The following LMLN variants were observed in gnomAD, a reference collection of about 807,000 sequenced individuals.
The protein encoded by LMLN is leishmanolysin like peptidase.
A neutral mutation model predicts 92.3 loss-of-function variants in LMLN; 70 were observed. The observed-to-expected ratio is 0.76, with a 90% CI of 0.63 to 0.92. The LOEUF (loss-of-function observed/expected upper bound fraction) is 0.92. Ranked by LOEUF, LMLN falls within the 40% of genes least tolerant of loss-of-function variation. The probability of loss-of-function intolerance (pLI) is 0.00; values close to 1 mark genes in which losing one functional copy is unlikely to be tolerated. For missense variants in LMLN, 691 were observed against 814.6 expected (o/e 0.85, Z 1.85); for synonymous variants, 308 against 296.2 (o/e 1.04, Z -0.41).
chr3:197,976,089 G>T (rs376581164), exon 4 of LMLN: 1 of 1,606,446 alleles, frequency 6.2e-7, no homozygotes, highest in East Asian at 2.2e-5. Flanking sequence ...CCGTCGACCT[G>T]CGGGCACTAT....
At chr3:197,980,595 T>A in intron 6 of LMLN, 91 bp downstream of exon 6, 1 of 1,300,474 alleles carries the variant, frequency 7.7e-7, no homozygotes, top group Admixed American at 2.0e-5. Context: ...ACAGGAATCT[T>A]GCATTTGCCA....
exon 15 of LMLN, chr3:198,035,962 C>T: frequency 1.2e-6 from 2 of 1,614,046 alleles, no homozygotes; most frequent in Non-Finnish European, 1.7e-6. Context: ...CCTGCTCTGC[C>T]CATCATGTTG....
At chr3:197,982,294 C>T (rs1246888349) in intron 6 of LMLN, among the ~76,000 whole-genome samples, 7 of 142,248 alleles carry the variant, frequency 4.9e-5, no homozygotes, top group African/African-American at 1.6e-4. Flanking sequence ...GGCATGATCT[C>T]GGCTCACTGC....
rs1722714599 is a variant in LMLN, at chr3:198,019,096, G to A, written c.1233-157G>A. Among the ~76,000 whole-genome samples the A allele has an allele frequency of 2.0e-5, 3 of 152,348 alleles. No homozygotes were observed. The South Asian group carries it at 6.2e-4, about 32-fold the overall frequency. ...CCACTCTTTGTAGCTGCAGGGCAGA[G>A]GGGACATTGCCTCCATCTCTTTCCA... On this transcript the variant is annotated intron_variant, in intron 11 of 15. Coordinates refer to ENST00000330198, the Ensembl canonical transcript of LMLN. The surrounding 1 kb of genome is among the most constrained non-coding windows in gnomAD (Gnocchi z 5.5).
At chr3:198,038,881 TTCATCA>T in exon 16 of LMLN, 1 of 446,440 alleles carries the variant, frequency 2.2e-6, no homozygotes, top group Non-Finnish European at 4.1e-6. Flanking sequence ...CCCAACCACC[TTCATCA>T]GCAACCCAAC....
chr3:198,021,479 G>C, exon 13 of LMLN: 1 of 1,614,136 alleles, frequency 6.2e-7, no homozygotes. Flanking sequence ...ACCTGCAGAA[G>C]ATTTGCCTTA....
intron 11 of LMLN, among the ~76,000 whole-genome samples, chr3:198,007,200 G>A (rs2109911349): frequency 6.6e-6 from 1 of 152,282 alleles, no homozygotes; most frequent in Non-Finnish European, 1.5e-5. Context: ...ACGGAGTCCA[G>A]AATATCAGTT....
At chr3:197,979,765 C>T (rs1040181405) in intron 5 of LMLN, among the ~76,000 whole-genome samples, 3 of 152,170 alleles carry the variant, frequency 2.0e-5, no homozygotes, top group African/African-American at 7.2e-5. Context: ...GCCTGGGTGA[C>T]AGAGTGACTC....
chr3:198,032,191 T>C (rs1025299434), intron 14 of LMLN, among the ~76,000 whole-genome samples: 4 of 152,006 alleles, frequency 2.6e-5, no homozygotes, highest in African/African-American at 7.2e-5. Context: ...GTGGTCTCCC[T>C]ATGGGGCTCC....
At position 197,970,537 on chromosome 3, in the gene LMLN, G is replaced by A. The variant is rs1197093031; in HGVS notation, c.220-3840G>A. 3.3e-5 allele frequency among the ~76,000 whole-genome samples: 5 copies of A among 152,194 alleles called. No individual in the cohort carries two copies. In the East Asian group the frequency reaches 9.6e-4, roughly 29 times the overall value. ...GTTGTGACAGCGTGCACAAAGTGTG[G>A]TCTACCAGGGAAGATTACCTGATTC... On this transcript the variant is annotated intron_variant, in intron 1 of 15. Transcript: ENST00000330198.
At chr3:198,037,078 G>T (rs998740306) in intron 15 of LMLN, among the ~76,000 whole-genome samples, 1 of 152,196 alleles carries the variant, frequency 6.6e-6, no homozygotes, top group East Asian at 1.9e-4. Context: ...GAGTACTTGT[G>T]TTGGGGGTCC....
chr3:197,960,404 C>T (rs1720824133), exon 1 of LMLN: 2 of 1,613,968 alleles, frequency 1.2e-6, no homozygotes, highest in Non-Finnish European at 1.7e-6. Flanking sequence ...TGGGCAGTTC[C>T]CCTCCCTGCC....
At chr3:197,983,818 G>A in intron 6 of LMLN, 125 bp from the exon 7 acceptor site, 1 of 596,618 alleles carries the variant, frequency 1.7e-6, no homozygotes, top group East Asian at 2.8e-5. Flanking sequence ...GATAGTGATG[G>A]TACAAAATTG....
At position 198,031,088 on chromosome 3, in the gene LMLN, C is replaced by T. The variant is rs138167730; in HGVS notation, c.1657-4745C>T. Among the ~76,000 whole-genome samples the T allele has an allele frequency of 7.2e-5, 11 of 152,258 alleles. 1 individual carries two copies. In the East Asian group the frequency reaches 1.9e-3, roughly 27 times the overall value. ...ATGAAATAGGCATAAGCCCGATGAA[C>T]AGGAGGAAAACATACACATTTATTT... On this transcript the variant is annotated intron_variant, in intron 14 of 15. Coordinates refer to ENST00000330198, the Ensembl canonical transcript of LMLN. The surrounding 1 kb of genome is among the most constrained non-coding windows in gnomAD (Gnocchi z 4.8).
chr3:198,007,248 G>A (rs945980016), intron 11 of LMLN, among the ~76,000 whole-genome samples: 1 of 152,172 alleles, frequency 6.6e-6, no homozygotes, highest in Non-Finnish European at 1.5e-5. Flanking sequence ...AGTCTAAGAA[G>A]TGTTTGCCAA....
At chr3:197,982,365 A>G (rs1350634381) in intron 6 of LMLN, among the ~76,000 whole-genome samples, 1 of 151,406 alleles carries the variant, frequency 6.6e-6, no homozygotes. Flanking sequence ...AGCGGCGACT[A>G]CAGGTGCGCA....
intron 1 of LMLN, among the ~76,000 whole-genome samples, chr3:197,972,158 G>T (rs143385177): frequency 0.012 from 1,856 of 151,548 alleles, 16 homozygotes; most frequent in Non-Finnish European, 0.017. Flanking sequence ...ACCGTCTCCC[G>T]AGTTCAAGCA....
intron 5 of LMLN, among the ~76,000 whole-genome samples, chr3:197,977,192 C>T (rs116159396): frequency 3.9e-5 from 6 of 152,068 alleles, no homozygotes; most frequent in Admixed American, 3.3e-4. Flanking sequence ...GGTATAACCA[C>T]GTAGTAGAAT....
Position 198,019,199 on chromosome 3 carries a change from A to C in LMLN, c.1233-54A>C. 6.5e-7 allele frequency: 1 copy of C among 1,539,234 alleles called. No individual in the cohort carries two copies. The highest frequency in any genetic ancestry group is 8.8e-7 in the Non-Finnish European group (1 of 1,137,032). ...ATTCCATTTGTTGGCTGTATAATGGACTTGCAGTATTTTCTTTAAAGTTTG... is the reference window on the plus strand; with the variant it reads ...ATTCCATTTGTTGGCTGTATAATGGCCTTGCAGTATTTTCTTTAAAGTTTG... On this transcript the variant is annotated intron_variant, in intron 11 of 15. Coordinates refer to ENST00000330198, the Ensembl canonical transcript of LMLN. The surrounding 1 kb of genome is among the most constrained non-coding windows in gnomAD (Gnocchi z 5.5).
Sources: allele counts gnomAD v4.1 joint callset (sites outside exome capture counted in the v4.1 genomes callset), GRCh38; gene constraint gnomAD v4.1.1; non-coding constraint Gnocchi (gnomAD v3.1); transcripts MANE v1.5; gene names NCBI Gene and HGNC (gene_info 2026-07-23, HGNC 2026-07-21).